HYDIN: variants seen among roughly 807,000 people sequenced by gnomAD.
HYDIN encodes axonemal central pair apparatus protein HYDIN.
A neutral mutation model predicts 403.9 loss-of-function variants in HYDIN; 132 were observed. The observed-to-expected ratio is 0.33, with a 90% confidence interval of 0.28 to 0.38. The LOEUF (loss-of-function observed/expected upper bound fraction) is 0.38. HYDIN is among the 10% of genes least tolerant of loss of function. HYDIN has a pLI of 1.00. For synonymous variants in HYDIN, 1,202 were observed against 1,891.7 expected, an observed-to-expected ratio of 0.64 and a Z score of 9.46; for missense variants, 2,827 against 5,009.5, an observed-to-expected ratio of 0.56 and a Z score of 13.15.
At chr16:70,914,507 CT>C (rs2076783946) in intron 47 of HYDIN, among the ~76,000 whole-genome samples, 1 of 143,876 alleles carries the variant, frequency 7.0e-6, no homozygotes, top group African/African-American at 2.6e-5. Flanking sequence ...GAGAAATCTG[CT>C]GTTAATCTGA....
At chr16:70,820,317 A>C (rs1184924578) in intron 83 of HYDIN, among the ~76,000 whole-genome samples, 1 of 148,778 alleles carries the variant, frequency 6.7e-6, no homozygotes, top group Non-Finnish European at 1.5e-5. Flanking sequence ...CAGCCTCCCA[A>C]GTAGCTGGGA....
intron 44 of HYDIN, among the ~76,000 whole-genome samples, chr16:70,936,615 C>T (rs1244843531): frequency 6.6e-6 from 1 of 150,540 alleles, no homozygotes; most frequent in Admixed American, 6.6e-5. Context: ...CTCACTGCAA[C>T]CTCCACCTCC....
intron 23 of HYDIN, among the ~76,000 whole-genome samples, chr16:71,012,373 G>C (rs895900695): frequency 6.6e-6 from 1 of 152,242 alleles, no homozygotes; most frequent in Admixed American, 6.5e-5. Flanking sequence ...CCAGCTTCCT[G>C]TCACGGGCAC....
Position 71,186,720 on chromosome 16 carries a change from T to C in HYDIN, c.135+41A>G, listed in dbSNP as rs142824396. The stretch of plus-strand genomic sequence containing the variant: ...AGCAACTGTCATTCTCCTAAGGAGA[T>C]TGCATTAAGTATTTTACATATTAAT... On this transcript the variant is annotated intron_variant, in intron 2 of 85. Coordinates refer to ENST00000393567, the MANE Select transcript of HYDIN (RefSeq NM_001270974.2). 4.5e-3 allele frequency: 6,811 copies of C among 1,518,568 alleles called. 42 individuals are homozygous for C. Among genetic ancestry groups the C allele is most frequent in the South Asian group, 0.014 (1,184 of 85,832 alleles). The allele number at this position is 1,518,568 out of a possible 1,614,324, so 94.1% of individuals were successfully genotyped here.
At chr16:70,818,146 A>T (rs896173108) in intron 84 of HYDIN, among the ~76,000 whole-genome samples, 196 bp downstream of exon 84, 1 of 152,138 alleles carries the variant, frequency 6.6e-6, no homozygotes, top group Non-Finnish European at 1.5e-5. Context: ...AGAATTCCAA[A>T]CGATGTGCCC....
At chr16:71,062,126 A>C (rs950997047) in intron 17 of HYDIN, 43 bp downstream of exon 17, 5 of 1,020,464 alleles carry the variant, frequency 4.9e-6, no homozygotes, top group African/African-American at 3.2e-5. Context: ...GTTTGAGAAG[A>C]AGCACAGCAA....
intron 1 of HYDIN, among the ~76,000 whole-genome samples, chr16:71,222,774 T>A (rs1309066236): frequency 6.6e-6 from 1 of 152,242 alleles, no homozygotes; most frequent in Middle Eastern, 3.4e-3. Flanking sequence ...CATATGAATA[T>A]ACTTAACCAA....
At chr16:70,878,088 G>A (rs573389938) in intron 62 of HYDIN, among the ~76,000 whole-genome samples, 2 of 152,244 alleles carry the variant, frequency 1.3e-5, no homozygotes, top group South Asian at 2.1e-4. Flanking sequence ...CACGTGTTGC[G>A]GGAGGGACCT....
In HYDIN at chr16:71,148,785, G is replaced by GTC. The variant is rs745898385; in HGVS notation, c.841+3872_841+3873dup. ...ATTTCTTTTTCTTTTTTAAGATGGA[G>GTC]TCTCACTCTGTCACCCAGGCTGGAG... On this transcript the variant is annotated intron_variant, in intron 7 of 85. Transcript: ENST00000393567. 9.2e-4 allele frequency among the ~76,000 whole-genome samples: 131 copies of GTC among 142,120 alleles called. 2 individuals are homozygous for GTC. Among genetic ancestry groups the GTC allele is most frequent in the Admixed American group, 2.2e-3 (32 of 14,768 alleles). The allele number at this position is 142,120 out of a possible 152,430, so 93.2% of individuals were successfully genotyped here.
At chr16:70,902,431 A>T (rs1276303132) in intron 52 of HYDIN, among the ~76,000 whole-genome samples, 78 of 149,748 alleles carry the variant, frequency 5.2e-4, no homozygotes, top group Non-Finnish European at 1.8e-4. Context: ...AACATGGCAA[A>T]ACCCTGTCTC....
intron 23 of HYDIN, among the ~76,000 whole-genome samples, chr16:70,995,761 G>A (rs1343342506): frequency 6.6e-6 from 1 of 152,210 alleles, no homozygotes; most frequent in Non-Finnish European, 1.5e-5. Context: ...CCCTGCAGGA[G>A]ACACACTGAT....
At position 70,955,545 on chromosome 16, in the gene HYDIN, T is replaced by C; in HGVS notation, c.6146A>G (p.Lys2049Arg). ...GGCCACGCTAACGGCATTGGCTGAC[T>C]TTCCTATTAAAAAGACCAGGGGGTT... The part of the protein sequence containing the change: ...IIIHGTPLSG[K>R]SANAVSVAKY... The change falls in exon 40 of 86, where the codon AAG becomes AGG. Residue 2049 changes from lysine to arginine, a missense_variant. By Grantham distance (26) the Lys-to-Arg change is conservative. Transcript: ENST00000393567. 1.4e-6 allele frequency: 2 copies of C among 1,428,930 alleles called. No individual in the cohort carries two copies. The highest frequency in any genetic ancestry group is 2.1e-4 in the Middle Eastern group (1 of 4,810). The allele number at this position is 1,428,930 out of a possible 1,614,324, so 88.5% of individuals were successfully genotyped here. A position where few individuals can be genotyped will look rare whatever the true frequency, so the allele number is the denominator to read the frequency against.
At chr16:70,828,849 A>C (rs2036772344) in intron 81 of HYDIN, among the ~76,000 whole-genome samples, 1 of 150,874 alleles carries the variant, frequency 6.6e-6, no homozygotes, top group African/African-American at 2.4e-5. Flanking sequence ...CCGTAAAGTG[A>C]AAACAAACTG....
chr16:71,149,695 T>G (rs1235306102), intron 7 of HYDIN, among the ~76,000 whole-genome samples: 1 of 151,922 alleles, frequency 6.6e-6, no homozygotes, highest in African/African-American at 2.4e-5. Flanking sequence ...CCTGCCTAAT[T>G]TTTTTGTATT....
chr16:70,958,257 T>C lies in HYDIN; in HGVS notation c.6142+1390A>G, dbSNP rs1470300997. The stretch of plus-strand genomic sequence containing the variant: ...TAAACAAAAGGGGAAAAATAACTTA[T>C]ATTGATCAGTCTGATTTTGACATAG... On this transcript the variant is annotated intron_variant, in intron 39 of 85. Coordinates refer to ENST00000393567, the MANE Select transcript of HYDIN (RefSeq NM_001270974.2). 3.3e-5 allele frequency among the ~76,000 whole-genome samples: 5 copies of C among 151,296 alleles called. No individual in the cohort carries two copies. The East Asian group carries it at 5.8e-4, about 18-fold the overall frequency.
chr16:70,966,123 C>T (rs1252590959), intron 36 of HYDIN, among the ~76,000 whole-genome samples: 4 of 151,420 alleles, frequency 2.6e-5, no homozygotes, highest in African/African-American at 4.8e-5. Flanking sequence ...GCTTCCTGTG[C>T]GATTAGCTGA....
chr16:71,032,346 C>T (rs1360608286), intron 18 of HYDIN, among the ~76,000 whole-genome samples: 4 of 136,250 alleles, frequency 2.9e-5, no homozygotes, highest in Admixed American at 2.3e-4. Flanking sequence ...TTAAAAGAAA[C>T]GTTTTTCAAA....
intron 41 of HYDIN, among the ~76,000 whole-genome samples, chr16:70,948,672 G>C (rs1353186813): frequency 1.3e-5 from 2 of 151,510 alleles, no homozygotes; most frequent in South Asian, 2.1e-4. Flanking sequence ...CTTCTCAAAA[G>C]AAGACATTTA....
chr16:71,212,690 T>A (rs2088660788), intron 1 of HYDIN, among the ~76,000 whole-genome samples: 1 of 151,764 alleles, frequency 6.6e-6, no homozygotes. Flanking sequence ...AGTAAACAAG[T>A]TAAGAAACAT....
Sources: gnomAD v4.1 joint callset for allele counts (sites outside exome capture counted in the v4.1 genomes callset) on GRCh38, gnomAD v4.1.1 for gene constraint, MANE v1.5 for transcripts, NCBI Gene and HGNC (gene_info 2026-07-23, HGNC 2026-07-21) for gene names.